The following SNCAIP variants were observed in gnomAD, a reference collection of about 807,000 sequenced individuals.
SNCAIP encodes synphilin-1.
A neutral mutation model predicts 86.7 loss-of-function variants in SNCAIP; 43 were observed. That is an observed-to-expected ratio of 0.50 (90% CI 0.39 to 0.64). SNCAIP has a LOEUF of 0.64. Among genes scored for constraint, SNCAIP ranks in the 30% least tolerant of loss-of-function variants. The pLI is 0.00. For synonymous variants in SNCAIP, 417 were observed against 427.2 expected, an observed-to-expected ratio of 0.98 and a Z score of 0.29; for missense variants, 981 against 1,103.1, an observed-to-expected ratio of 0.89 and a Z score of 1.57.
rs1296247855 is a variant in SNCAIP, at chr5:122,451,482, A to G, written c.2635A>G (p.Asn879Asp). 4 of 1,613,856 alleles carry G rather than the reference A, an allele frequency of 2.5e-6. No individual in the cohort carries two copies. Among genetic ancestry groups the G allele is most frequent in the Middle Eastern group, 1.6e-4 (1 of 6,062 alleles). Residue 879 changes from asparagine to aspartate, a missense_variant, in exon 10 of 11, where the codon AAT (asparagine) becomes GAT (aspartate). Coordinates refer to ENST00000261368, the MANE Select transcript of SNCAIP (RefSeq NM_005460.4). The stretch of plus-strand genomic sequence containing the variant: ...ACTAAGTGGCAACCAAAACAATAAT[A>G]ATAACTACCAGGCAGCCAACCAGCT... ...ETLSGNQNNN[N>D]NYQAANQLKT...
At chr5:122,389,584 T>A (rs1049397299) in intron 1 of SNCAIP, 3 of 152,238 alleles carry the variant, frequency 2.0e-5, no homozygotes, top group African/African-American at 7.2e-5. Context: ...TACCAAGCAA[T>A]TTGTTTGATA....
At chr5:122,403,772 C>T (rs769473649) in intron 2 of SNCAIP, 21 bp from the exon 3 acceptor site, 2 of 1,602,208 alleles carry the variant, frequency 1.2e-6, no homozygotes, top group East Asian at 2.2e-5. Flanking sequence ...TATGCCCTCT[C>T]TTCTCTGGCT....
intron 8 of SNCAIP, among the ~76,000 whole-genome samples, chr5:122,447,694 C>T (rs995658251): frequency 2.0e-5 from 3 of 152,008 alleles, no homozygotes; most frequent in African/African-American, 7.3e-5. Context: ...TTCATTAGAC[C>T]AGAATCAGCA....
chr5:122,324,023 A>C (rs1014739788), intron 1 of SNCAIP, among the ~76,000 whole-genome samples: 1 of 152,168 alleles, frequency 6.6e-6, no homozygotes, highest in Non-Finnish European at 1.5e-5. Flanking sequence ...AAAGATTGCT[A>C]TGTGCTATTT....
chr5:122,371,084 C>T (rs1460497537), intron 1 of SNCAIP, among the ~76,000 whole-genome samples: 1 of 151,918 alleles, frequency 6.6e-6, no homozygotes, highest in Non-Finnish European at 1.5e-5. Context: ...GAGGCTGAGG[C>T]AGGAGGATCA....
At chr5:122,352,463 T>C (rs1318657342) in intron 1 of SNCAIP, among the ~76,000 whole-genome samples, 2 of 152,182 alleles carry the variant, frequency 1.3e-5, no homozygotes, top group African/African-American at 4.8e-5. Context: ...GTGCTTAGTA[T>C]GAACCTTTTG....
At chr5:122,381,554 ATTG>A (rs1766815813) in intron 1 of SNCAIP, among the ~76,000 whole-genome samples, 1 of 146,360 alleles carries the variant, frequency 6.8e-6, no homozygotes, top group Admixed American at 6.8e-5. Context: ...TAAAGTTAAT[ATTG>A]TTATGTGTGA....
At chr5:122,432,309 T>C (rs754001437) in intron 6 of SNCAIP, among the ~76,000 whole-genome samples, 1 of 152,122 alleles carries the variant, frequency 6.6e-6, no homozygotes, top group Non-Finnish European at 1.5e-5. Flanking sequence ...GCTGCAGCCA[T>C]TGATGACATT....
intron 3 of SNCAIP, among the ~76,000 whole-genome samples, chr5:122,407,192 CTG>C (rs1291525203): frequency 1.4e-4 from 22 of 152,220 alleles, no homozygotes; most frequent in Non-Finnish European, 2.5e-4. Context: ...ACATGAGAGA[CTG>C]TGGTAATTTT....
chr5:122,415,091 G>A (rs1390705779), intron 3 of SNCAIP, among the ~76,000 whole-genome samples: 1 of 152,200 alleles, frequency 6.6e-6, no homozygotes, highest in Non-Finnish European at 1.5e-5. Flanking sequence ...TAGTATACTT[G>A]TGAAGTGTAT....
rs576083690 is a variant in SNCAIP, at chr5:122,387,189, C to T, written c.-46-3900C>T. On this transcript the variant is annotated intron_variant, in intron 1 of 10. Coordinates refer to ENST00000261368, the MANE Select transcript of SNCAIP (RefSeq NM_005460.4). ...TTGTTTGTTTTTTGCGACGGAGTCT[C>T]GTTCTGTCACCCAGACTGGAGTGCA... 2.1e-3 allele frequency among the ~76,000 whole-genome samples: 316 copies of T among 152,196 alleles called. 3 individuals carry two copies. Among genetic ancestry groups the T allele is most frequent in the African/African-American group, 7.2e-3 (297 of 41,530 alleles).
At chr5:122,348,159 A>G (rs982107527) in intron 1 of SNCAIP, among the ~76,000 whole-genome samples, 3 of 152,150 alleles carry the variant, frequency 2.0e-5, no homozygotes, top group Admixed American at 6.6e-5. Flanking sequence ...AATTTTCGTA[A>G]CAATTGGGAT....
At chr5:122,319,912 T>C (rs1168756341) in intron 1 of SNCAIP, among the ~76,000 whole-genome samples, 3 of 152,206 alleles carry the variant, frequency 2.0e-5, no homozygotes, top group Non-Finnish European at 4.4e-5. Context: ...GTACTGAGAA[T>C]AGAATTAAAC....
At chr5:122,405,523 G>A (rs141499783) in intron 3 of SNCAIP, among the ~76,000 whole-genome samples, 3 of 152,296 alleles carry the variant, frequency 2.0e-5, no homozygotes, top group African/African-American at 4.8e-5. Context: ...GAGGAACAGA[G>A]ATGAGAAGTT....
chr5:122,451,271 A>G lies in SNCAIP; in HGVS notation c.2424A>G (p.Thr808=). 6.2e-7 allele frequency: 1 copy of G among 1,614,186 alleles called. No homozygotes were observed. Among genetic ancestry groups the G allele is most frequent in the Non-Finnish European group, 8.5e-7 (1 of 1,180,022 alleles). Residue 808 remains threonine, a synonymous_variant, in exon 10 of 11, where the codon ACA becomes ACG. Coordinates refer to ENST00000261368, the MANE Select transcript of SNCAIP (RefSeq NM_005460.4). ...AGTCTCCATCTTCCAAGCGTAGGAC[A>G]TCTCAGAACTTAAAACTGAGAGTTA... is the stretch of plus-strand genomic sequence containing the variant. ...ALKSPSSKRR[T]SQNLKLRVTF...
At chr5:122,451,645 A>G in intron 10 of SNCAIP, 44 bp downstream of exon 10, 1 of 1,326,460 alleles carries the variant, frequency 7.5e-7, no homozygotes, top group Non-Finnish European at 1.1e-6. Flanking sequence ...CTTCAAATGG[A>G]TTATGTTGTT....
intron 1 of SNCAIP, among the ~76,000 whole-genome samples, chr5:122,327,896 A>G (rs1754435415): frequency 6.6e-6 from 1 of 152,168 alleles, no homozygotes; most frequent in Admixed American, 6.5e-5. Flanking sequence ...GGGAACTATG[A>G]TCTCCATGTG....
intron 6 of SNCAIP, among the ~76,000 whole-genome samples, chr5:122,433,422 C>T (rs1338559741): frequency 6.6e-6 from 1 of 152,094 alleles, no homozygotes; most frequent in Non-Finnish European, 1.5e-5. Context: ...GGGCCAGATC[C>T]TGTTTTGTCC....
At chr5:122,387,166 GT>G (rs1185264554) in intron 1 of SNCAIP, among the ~76,000 whole-genome samples, 1 of 152,174 alleles carries the variant, frequency 6.6e-6, no homozygotes, top group African/African-American at 2.4e-5. Flanking sequence ...TTGTTTGTTT[GT>G]TTGTTTTTTG....
Sources: allele counts gnomAD v4.1 joint callset (sites outside exome capture counted in the v4.1 genomes callset), GRCh38; gene constraint gnomAD v4.1.1; transcripts MANE v1.5; gene names NCBI Gene and HGNC (gene_info 2026-07-23, HGNC 2026-07-21).